Variants in FCRL6 observed in about 807,000 individuals in gnomAD.
FCRL6 encodes the protein Fc receptor like 6.
A neutral mutation model predicts 49.1 loss-of-function variants in FCRL6; 50 were observed. The ratio of observed to expected loss-of-function variants is 1.02; its 90% confidence interval spans 0.81 to 1.29. The LOEUF is 1.29. Ranked by LOEUF, FCRL6 falls within the 50% of genes most tolerant of loss-of-function variation. The probability of loss-of-function intolerance (pLI) is 0.00; values close to 1 mark genes in which losing one functional copy is unlikely to be tolerated. For missense variants in FCRL6, 571 were observed against 518.5 expected (o/e 1.10, Z -0.98); for synonymous variants, 213 against 199.6 (o/e 1.07, Z -0.57).
chr1:159,809,652 G>A lies in FCRL6; in HGVS notation c.855G>A (p.Glu285=). ...SCEAENSVSR[E]RSEPKKLSLK... ...AGGCTGAGAACAGTGTCTCCAGAGA[G>A]AGGAGTGAGCCCAAGAAGCTGTCTC... The change falls in exon 5 of 10, where the codon GAG becomes GAA. Residue 285 remains glutamate (E), a synonymous_variant. Coordinates refer to ENST00000368106, the MANE Select transcript of FCRL6 (RefSeq NM_001004310.3). The A allele has an allele frequency of 6.2e-7, 1 of 1,614,178 alleles. No individual in the cohort carries two copies. Among genetic ancestry groups the A allele is most frequent in the Non-Finnish European group, 8.5e-7 (1 of 1,180,030 alleles).
chr1:159,803,731 A>C (rs1161476361), intron 1 of FCRL6, among the ~76,000 whole-genome samples: 1 of 152,174 alleles, frequency 6.6e-6, no homozygotes, highest in Admixed American at 6.5e-5. Flanking sequence ...GCAAATGAGG[A>C]GAGGAAGGGA....
intron 1 of FCRL6, among the ~76,000 whole-genome samples, chr1:159,806,300 T>A (rs1242585721): frequency 6.6e-6 from 1 of 152,220 alleles, no homozygotes; most frequent in South Asian, 2.1e-4. Context: ...GGCAAAGAGT[T>A]CTAGGGAGTA....
rs1452045455 is a variant in FCRL6, at chr1:159,810,154, T to C, written c.947T>C (p.Leu316Pro). ...NWLVPWLPASLLGLMVIAAAL... is the reference protein window; with the variant it reads ...NWLVPWLPASPLGLMVIAAAL... ...CTGGTTCCTTGGCTTCCTGCGAGCC[T>C]GCTTGGCCTGATGGTTATTGCTGCT... The change falls in exon 6 of 10, where the codon CTG becomes CCG. Residue 316 changes from leucine to proline, a missense_variant. Physicochemically the swap from Leu to Pro is moderately conservative, Grantham distance 98. Coordinates refer to ENST00000368106, the MANE Select transcript of FCRL6 (RefSeq NM_001004310.3). 1 of 1,614,058 alleles carries C rather than the reference T, an allele frequency of 6.2e-7. No individual in the cohort carries two copies. The highest frequency in any genetic ancestry group is 1.1e-5 in the South Asian group (1 of 91,072).
chr1:159,812,209 C>A (rs1663128607), intron 6 of FCRL6, among the ~76,000 whole-genome samples: 1 of 152,184 alleles, frequency 6.6e-6, no homozygotes, highest in Admixed American at 6.5e-5. Context: ...ACAAAATATT[C>A]TTTAGAATAT....
At chr1:159,806,663 C>A (rs946878479) in intron 2 of FCRL6, 47 bp downstream of exon 2, 3 of 1,596,834 alleles carry the variant, frequency 1.9e-6, no homozygotes, top group African/African-American at 2.7e-5. Context: ...GTCTATGGGC[C>A]AAAACTTACT....
intron 7 of FCRL6, among the ~76,000 whole-genome samples, chr1:159,813,869 A>G (rs941024250): frequency 6.6e-6 from 1 of 152,246 alleles, no homozygotes; most frequent in Non-Finnish European, 1.5e-5. Flanking sequence ...ACTGTAACAC[A>G]CACATGCTCA....
At position 159,802,364 on chromosome 1, in the gene FCRL6, G is replaced by C. The variant is rs1426160517; in HGVS notation, c.-61G>C. On this transcript the variant is annotated 5_prime_UTR_variant, in exon 1 of 10. Coordinates refer to ENST00000368106, the MANE Select transcript of FCRL6 (RefSeq NM_001004310.3). ...CGGTCCTGAGGCCTGGTTGCTCTCTGCCGGCTTCGCCCTGACCTGTTTCTG... is the reference window on the plus strand; with the variant it reads ...CGGTCCTGAGGCCTGGTTGCTCTCTCCCGGCTTCGCCCTGACCTGTTTCTG... 2.5e-6 allele frequency: 4 copies of C among 1,602,850 alleles called. No individual in the cohort carries two copies. The African/African-American group carries it at 5.4e-5, about 21-fold the overall frequency.
At chr1:159,814,587 C>T (rs1663278591) in intron 8 of FCRL6, among the ~76,000 whole-genome samples, 1 of 152,222 alleles carries the variant, frequency 6.6e-6, no homozygotes, top group Non-Finnish European at 1.5e-5. Context: ...ACATCATCTC[C>T]TCCACACTGT....
At position 159,809,599 on chromosome 1, in the gene FCRL6, G is replaced by C. The variant is rs1409340999; in HGVS notation, c.802G>C (p.Glu268Gln). 6.2e-7 allele frequency: 1 copy of C among 1,614,076 alleles called. No homozygotes were observed. The highest frequency in any genetic ancestry group is 8.5e-7 in the Non-Finnish European group (1 of 1,180,018). The change falls in exon 5 of 10, where the codon GAA (glutamate) becomes CAA (glutamine). Residue 268 changes from glutamate to glutamine, a missense_variant. Glu to Gln is a conservative substitution (Grantham distance 29). Transcript: ENST00000368106. ...CTCCCTCCTCTTCCCAGTGAAGTCA[G>C]AACAGGATGCTGGGAACTACTCCTG... ...TTSLLFPVKSEQDAGNYSCEA... is the reference protein window; with the variant it reads ...TTSLLFPVKSQQDAGNYSCEA...
At chr1:159,800,733 G>A (rs1662274957), upstream of FCRL6, 4 of 831,774 alleles carry the variant, frequency 4.8e-6, no homozygotes, top group Non-Finnish European at 4.0e-6. Context: ...CACTTCCACT[G>A]AGTCAGACAA....
At chr1:159,801,350 A>G (rs1662322175), upstream of FCRL6, among the ~76,000 whole-genome samples, 1 of 152,162 alleles carries the variant, frequency 6.6e-6, no homozygotes, top group Admixed American at 6.5e-5. Flanking sequence ...TAGTGACTGT[A>G]CCAATTTATA....
At position 159,809,107 on chromosome 1, in the gene FCRL6, T is replaced by G; in HGVS notation, c.466T>G (p.Leu156Val). The G allele has an allele frequency of 1.2e-6, 2 of 1,614,022 alleles. No homozygotes were observed. The highest frequency in any genetic ancestry group is 2.2e-5 in the South Asian group (2 of 91,084). The change falls in exon 4 of 10, where the codon TTG (leucine) becomes GTG (valine). Residue 156 changes from leucine to valine, a missense_variant. Transcript: ENST00000368106. ...CTCCTTCCACAAGGACGGCCACACC[T>G]TGCAGGACAGGGGCCCTCACCCAGA... ...LFSFHKDGHT[L>V]QDRGPHPELC...
chr1:159,803,558 G>A (rs1662478011), intron 1 of FCRL6, among the ~76,000 whole-genome samples: 1 of 152,182 alleles, frequency 6.6e-6, no homozygotes, highest in African/African-American at 2.4e-5. Context: ...CTCACACTGA[G>A]GCGGGGACAG....
rs1284962075 is a variant in FCRL6, at chr1:159,809,133, A to G, written c.492A>G (p.Glu164=). 3 of 1,613,632 alleles carry G rather than the reference A, an allele frequency of 1.9e-6. No homozygotes were observed. The highest frequency in any genetic ancestry group is 1.7e-6 in the Non-Finnish European group (2 of 1,179,870). The part of the protein sequence containing the change: ...HTLQDRGPHP[E]LCIPGAKEGD... ...TGCAGGACAGGGGCCCTCACCCAGA[A>G]CTCTGCATCCCGGGAGCCAAGGAGG... is the stretch of plus-strand genomic sequence containing the variant. The change falls in exon 4 of 10, where the codon GAA becomes GAG. Residue 164 remains glutamate, a synonymous_variant. Transcript: ENST00000368106.
upstream of FCRL6, chr1:159,800,686 AC>A (rs1382663041): frequency 7.3e-7 from 1 of 1,372,676 alleles, no homozygotes; most frequent in African/African-American, 1.4e-5. Flanking sequence ...CAACTGAGTC[AC>A]CGAAAAAAAT....
chr1:159,807,583 T>C (rs1408116284), intron 2 of FCRL6, among the ~76,000 whole-genome samples: 4 of 151,720 alleles, frequency 2.6e-5, no homozygotes, highest in African/African-American at 4.8e-5. Context: ...CTGCTGAGGG[T>C]AGAGATGGAG....
intron 1 of FCRL6, among the ~76,000 whole-genome samples, chr1:159,805,007 G>A (rs938636883): frequency 2.6e-5 from 4 of 152,216 alleles, no homozygotes; most frequent in African/African-American, 7.2e-5. Flanking sequence ...TGATATGACA[G>A]AATGAGATAT....
intron 2 of FCRL6, 148 bp from the exon 3 acceptor site, chr1:159,808,030 G>T (rs750587466): frequency 7.7e-6 from 6 of 783,482 alleles, no homozygotes; most frequent in East Asian, 2.5e-5. Flanking sequence ...TTCTCTGGTC[G>T]GCATGAAGGA....
Position 159,806,600 on chromosome 1 carries a change from C to T in FCRL6, c.36C>T (p.Pro12=), listed in dbSNP as rs1662701234. The T allele has an allele frequency of 6.2e-7, 1 of 1,613,656 alleles. No homozygotes were observed. The highest frequency in any genetic ancestry group is 1.3e-5 in the African/African-American group (1 of 74,936). ...TGTTACTTTGTTCTCTTGCAGTTCC[C>T]TGTGTTGGGAAAACTGGTAAGTTGT... ...LLWTAVLLFV[P]CVGKTVWLYL... Residue 12 remains proline, a synonymous_variant, in exon 2 of 10, where the codon CCC becomes CCT. Transcript: ENST00000368106.
Sources: allele counts gnomAD v4.1 joint callset (sites outside exome capture counted in the v4.1 genomes callset), GRCh38; gene constraint gnomAD v4.1.1; transcripts MANE v1.5; gene names NCBI Gene and HGNC (gene_info 2026-07-23, HGNC 2026-07-21).